The following WNT2B variants were observed in gnomAD, a reference collection of about 807,000 sequenced individuals.
WNT2B encodes the protein Wnt family member 2B, also known as protein Wnt-2b.
In WNT2B, 19 loss-of-function variants were observed where a neutral mutation model predicts 40.5. That is an observed-to-expected ratio of 0.47 (90% CI 0.33 to 0.69). The LOEUF (loss-of-function observed/expected upper bound fraction) is 0.69, where lower values mean the gene tolerates loss of function less well. WNT2B is among the 30% of genes least tolerant of loss of function. The pLI is 0.02. For synonymous variants in WNT2B, 220 were observed against 211.9 expected, an observed-to-expected ratio of 1.04 and a Z score of -0.33; for missense variants, 467 against 556.4, an observed-to-expected ratio of 0.84 and a Z score of 1.62.
In WNT2B at chr1:112,501,845, G is replaced by C. The variant is rs188479516; in HGVS notation, c.-94-13029G>C. 5.5e-3 allele frequency among the ~76,000 whole-genome samples: 836 copies of C among 152,330 alleles called. 5 individuals are homozygous for C. The highest frequency in any genetic ancestry group is 0.02 in the African/African-American group (814 of 41,580). On this transcript the variant is annotated intron_variant, in intron 1 of 4. Transcript: ENST00000256640. ...GCAGGTAGGAGTTGTGGTCTGGACA[G>C]AAGCAAAGTAGGCCACACTCGCCTG...
chr1:112,484,272 C>CACAT (rs1553230286), intron 1 of WNT2B, among the ~76,000 whole-genome samples: 51 of 123,262 alleles, frequency 4.1e-4, no homozygotes, highest in South Asian at 9.9e-4. Context: ...TATATATACA[C>CACAT]ATATATATAT....
chr1:112,480,306 G>C (rs1651185810), intron 1 of WNT2B, among the ~76,000 whole-genome samples: 1 of 147,448 alleles, frequency 6.8e-6, no homozygotes, highest in South Asian at 2.2e-4. Flanking sequence ...GGTGGAAGTT[G>C]CAGCCAGTCA....
At chr1:112,496,698 T>G (rs1377902408) in intron 1 of WNT2B, among the ~76,000 whole-genome samples, 2 of 152,050 alleles carry the variant, frequency 1.3e-5, no homozygotes, top group African/African-American at 4.8e-5. Context: ...CCTCCCGGGT[T>G]CAAGTGATTC....
At chr1:112,487,742 G>C (rs909695104) in intron 1 of WNT2B, among the ~76,000 whole-genome samples, 5 of 151,992 alleles carry the variant, frequency 3.3e-5, no homozygotes, top group African/African-American at 1.2e-4. Context: ...AGACCAGCCT[G>C]GCCAACATGG....
At chr1:112,507,552 G>A (rs1777613), upstream of WNT2B, among the ~76,000 whole-genome samples, 3,063 of 152,218 alleles carry the variant, frequency 0.02, 98 homozygotes, top group African/African-American at 0.071. Flanking sequence ...GAGGCGGTGG[G>A]GAGAGAGGTT....
At chr1:112,487,284 G>C (rs1651447123) in intron 1 of WNT2B, among the ~76,000 whole-genome samples, 1 of 152,272 alleles carries the variant, frequency 6.6e-6, no homozygotes, top group South Asian at 2.1e-4. Context: ...TGGTTGCCTG[G>C]GGATTGGGGG....
rs919587805 is a variant in WNT2B, at chr1:112,528,999, C to T, written c.*8490C>T. 1 of 152,164 alleles carries T rather than the reference C, an allele frequency of 6.6e-6. No homozygotes were observed. The highest frequency in any genetic ancestry group is 2.1e-4 in the South Asian group (1 of 4,834). 9.4% of individuals were successfully genotyped at this position (152,164 alleles called of 1,614,324 possible). A position where few individuals can be genotyped will look rare whatever the true frequency, so the allele number is the denominator to read the frequency against. ...TCCTGCATTTGCTAAAGGTAAAAATCGCTACTTATGGGGCTTTTGTCATAC... is the reference window on the plus strand; with the variant it reads ...TCCTGCATTTGCTAAAGGTAAAAATTGCTACTTATGGGGCTTTTGTCATAC... On this transcript the variant is annotated 3_prime_UTR_variant, in exon 5 of 5. Transcript: ENST00000369684.
intron 1 of WNT2B, among the ~76,000 whole-genome samples, chr1:112,479,515 A>T (rs920888367): frequency 6.6e-6 from 1 of 152,006 alleles, no homozygotes; most frequent in South Asian, 2.1e-4. Flanking sequence ...CAGAAGTTGC[A>T]GTGAGCCAAG....
At chr1:112,504,551 T>C (rs905820658), upstream of WNT2B, among the ~76,000 whole-genome samples, 5 of 152,058 alleles carry the variant, frequency 3.3e-5, no homozygotes, top group Admixed American at 2.0e-4. Context: ...GGATCCCCAC[T>C]CTTTTCCCCC....
rs1270181789 is a variant in WNT2B at position 112,524,359 on chromosome 1, GT to G, written c.*3853del. On this transcript the variant is annotated 3_prime_UTR_variant, in exon 5 of 5. Transcript: ENST00000369684. ...GAAGGGAGGACGCCAGGGAGAGTATGTTTCTCATCCCTGGGAGGCATTCAGC... is the reference window on the plus strand; with the variant it reads ...GAAGGGAGGACGCCAGGGAGAGTATGTTCTCATCCCTGGGAGGCATTCAGC... The G allele has an allele frequency of 6.6e-6, 1 of 152,608 alleles. No homozygotes were observed. The highest frequency in any genetic ancestry group is 1.5e-5 in the Non-Finnish European group (1 of 68,044). 9.5% of individuals were successfully genotyped at this position (152,608 alleles called of 1,614,324 possible).
At chr1:112,498,091 G>A (rs1305987806) in intron 1 of WNT2B, among the ~76,000 whole-genome samples, 25 of 104,900 alleles carry the variant, frequency 2.4e-4, no homozygotes, top group African/African-American at 7.1e-4. Context: ...CCCAACCCCC[G>A]ATAGGCCCCG....
At chr1:112,513,121 A>T (rs1253622451) in intron 1 of WNT2B, among the ~76,000 whole-genome samples, 1 of 141,616 alleles carries the variant, frequency 7.1e-6, no homozygotes, top group Admixed American at 7.1e-5. Context: ...AAGCCCCATT[A>T]AAAAAAAACA....
chr1:112,507,009 A>C (rs991710618), upstream of WNT2B, among the ~76,000 whole-genome samples: 6 of 152,094 alleles, frequency 3.9e-5, no homozygotes, highest in African/African-American at 1.4e-4. Flanking sequence ...CTCCAGCTGG[A>C]TGGCCTTCTC....
chr1:112,503,783 A>G (rs1436157656), intron 1 of WNT2B, among the ~76,000 whole-genome samples: 1 of 151,810 alleles, frequency 6.6e-6, no homozygotes, highest in Non-Finnish European at 1.5e-5. Context: ...TAGAGAGACA[A>G]ATGAAGACAG....
At chr1:112,477,622 A>T (rs1198503202) in intron 1 of WNT2B, among the ~76,000 whole-genome samples, 1 of 152,258 alleles carries the variant, frequency 6.6e-6, no homozygotes, top group African/African-American at 2.4e-5. Context: ...AGACACTGGG[A>T]ATTCAGTGAA....
rs138110393 is a variant in WNT2B, at chr1:112,528,186, C to T, written c.*7677C>T. On this transcript the variant is annotated 3_prime_UTR_variant, in exon 5 of 5. Coordinates refer to ENST00000369684, the MANE Select transcript of WNT2B (RefSeq NM_024494.3). ...AAGATAGCTTTATGTGTTTTATGAA[C>T]TGACTGAGGGCAGTCAGAAGAAGGC... 1 of 152,128 alleles carries T rather than the reference C, an allele frequency of 6.6e-6. No individual in the cohort carries two copies. Among genetic ancestry groups the T allele is most frequent in the Non-Finnish European group, 1.5e-5 (1 of 68,048 alleles). The allele number at this position is 152,128 out of a possible 1,614,324, so 9.4% of individuals were successfully genotyped here. A position where few individuals can be genotyped will look rare whatever the true frequency, so the allele number is the denominator to read the frequency against.
In WNT2B at chr1:112,516,420, C is replaced by T. The variant is rs753938280; in HGVS notation, c.681+3C>T. 3.7e-6 allele frequency: 6 copies of T among 1,609,246 alleles called. No homozygotes were observed. The highest frequency in any genetic ancestry group is 5.1e-6 in the Non-Finnish European group (6 of 1,178,048). ...ATAATAACCGCTGTGGTCGCACGGT[C>T]AGTACTCATGTCTGTGTAAGTACAC... On this transcript the variant is annotated splice_donor_region_variant and intron_variant, in intron 3 of 4. Coordinates refer to ENST00000369684, the MANE Select transcript of WNT2B (RefSeq NM_024494.3).
At chr1:112,497,761 C>A (rs1235096218) in intron 1 of WNT2B, among the ~76,000 whole-genome samples, 1 of 152,176 alleles carries the variant, frequency 6.6e-6, no homozygotes, top group East Asian at 1.9e-4. Context: ...TTTTCCAAAT[C>A]TCTACATTTT....
intron 1 of WNT2B, among the ~76,000 whole-genome samples, chr1:112,486,978 C>T (rs1404221430): frequency 6.6e-6 from 1 of 152,050 alleles, no homozygotes; most frequent in Non-Finnish European, 1.5e-5. Context: ...GGTATTTACT[C>T]AAAAGAAATG....
Sources: gnomAD v4.1 joint callset for allele counts (sites outside exome capture counted in the v4.1 genomes callset) on GRCh38, gnomAD v4.1.1 for gene constraint, MANE v1.5 for transcripts, NCBI Gene and HGNC (gene_info 2026-07-23, HGNC 2026-07-21) for gene names.